Variants in KCNT1 observed in about 807,000 individuals in gnomAD.
The protein encoded by KCNT1 is potassium channel subfamily T member 1.
Under a neutral mutation model 147.8 loss-of-function variants are expected in KCNT1, and 78 were observed. The ratio of observed to expected loss-of-function variants is 0.53; its 90% CI spans 0.44 to 0.64. KCNT1 has a LOEUF of 0.64. KCNT1 is among the 30% of genes least tolerant of loss of function. The probability of loss-of-function intolerance (pLI) is 0.00; values close to 1 mark genes in which losing one functional copy is unlikely to be tolerated. For missense variants in KCNT1, 1,419 were observed against 1,750.3 expected, an observed-to-expected ratio of 0.81 and a Z score of 3.38; for synonymous variants, 867 against 748.8, an observed-to-expected ratio of 1.16 and a Z score of -2.58.
chr9:135,736,807 G>A (rs1369539324), intron 2 of KCNT1: 3 of 371,976 alleles, frequency 8.1e-6, no homozygotes, highest in Admixed American at 4.6e-5. Flanking sequence ...CGCGGGCCTG[G>A]GACCCCGCTT....
At position 135,793,518 on chromosome 9, in the gene KCNT1, C is replaced by T. The variant is rs1460162913; in HGVS notation, c.*1357C>T. Reference sequence around the variant, plus strand: ...GCCAGTGGCTGCTGGGGATCCCCTACACTGGGGGTCAGGGCTGCCCCAGGT... The same window carrying T: ...GCCAGTGGCTGCTGGGGATCCCCTATACTGGGGGTCAGGGCTGCCCCAGGT... On this transcript the variant is annotated 3_prime_UTR_variant, in exon 31 of 31. Coordinates refer to ENST00000371757, the MANE Select transcript of KCNT1 (RefSeq NM_020822.3). 4 of 152,382 alleles carry T rather than the reference C, an allele frequency of 2.6e-5. No individual in the cohort carries two copies. The allele number at this position is 152,382 out of a possible 1,614,324, so 9.4% of individuals were successfully genotyped here.
chr9:135,787,206 G>A (rs550979020), intron 29 of KCNT1, among the ~76,000 whole-genome samples: 4 of 152,358 alleles, frequency 2.6e-5, no homozygotes, highest in Admixed American at 6.5e-5. Context: ...GGAGCCCGGC[G>A]TCCGTCTTCA....
intron 2 of KCNT1, among the ~76,000 whole-genome samples, chr9:135,739,026 C>T (rs147380900): frequency 2.1e-4 from 32 of 152,222 alleles, no homozygotes; most frequent in Middle Eastern, 3.4e-3. Flanking sequence ...TGGACCTAGG[C>T]GGCCTTGCCC....
At position 135,785,297 on chromosome 9, in the gene KCNT1, G is replaced by GT; in HGVS notation, c.3157-10dup. The GT allele has an allele frequency of 6.2e-7, 1 of 1,612,868 alleles. No individual in the cohort carries two copies. The highest frequency in any genetic ancestry group is 8.5e-7 in the Non-Finnish European group (1 of 1,179,888). On this transcript the variant is annotated splice_polypyrimidine_tract_variant and intron_variant, in intron 27 of 30. Transcript: ENST00000371757. ...CGCCCACAGGTCCCAGACTGCGCCT[G>GT]TTTCCTTTGCAGCCCCACGACCTCA...
At chr9:135,723,928 C>T (rs552618070) in intron 2 of KCNT1, among the ~76,000 whole-genome samples, 60 of 152,300 alleles carry the variant, frequency 3.9e-4, no homozygotes, top group African/African-American at 1.3e-3. Context: ...GACCAGTGTC[C>T]GTTCCCCTGA....
In KCNT1 at chr9:135,702,304, G is replaced by A; in HGVS notation, c.46G>A (p.Glu16Lys). 48 of 1,610,338 alleles carry A rather than the reference G, an allele frequency of 3.0e-5. No individual in the cohort carries two copies. The highest frequency in any genetic ancestry group is 4.0e-5 in the Non-Finnish European group (47 of 1,178,666). The part of the protein sequence containing the change: ...GARTPGGVCR[E>K]ARGGGYTNRT... ...GCGGACCCCGGGGGGCGTCTGCCGG[G>A]AGGCGCGCGGCGGGGGCTACACCAA... The change falls in exon 1 of 31, where the codon GAG (glutamate) becomes AAG (lysine). Residue 16 changes from glutamate to lysine, a missense_variant. Transcript: ENST00000371757.
At chr9:135,746,746 G>A (rs1234356847) in intron 2 of KCNT1, among the ~76,000 whole-genome samples, 4 of 152,302 alleles carry the variant, frequency 2.6e-5, no homozygotes, top group African/African-American at 7.2e-5. Flanking sequence ...GATGGAGCTG[G>A]CTGGGTGTTG....
chr9:135,745,775 G>A (rs542076730), intron 2 of KCNT1, among the ~76,000 whole-genome samples: 11 of 152,354 alleles, frequency 7.2e-5, no homozygotes, highest in Admixed American at 2.0e-4. Flanking sequence ...GCAGAGGAGC[G>A]GCAGGGCCCG....
At chr9:135,779,287 G>T in intron 23 of KCNT1, 72 bp from the exon 24 acceptor site, 2 of 822,992 alleles carry the variant, frequency 2.4e-6, no homozygotes, top group Non-Finnish European at 2.0e-6. Context: ...ACAGCCACAT[G>T]ATCATGGGCC....
chr9:135,790,165 C>T (rs1834385959), intron 29 of KCNT1: 1 of 152,168 alleles, frequency 6.6e-6, no homozygotes, highest in Non-Finnish European at 1.5e-5. Flanking sequence ...TTCTCGGTGT[C>T]CCACTGGGTG....
intron 12 of KCNT1, 108 bp downstream of exon 12, chr9:135,765,303 T>G: frequency 8.9e-7 from 1 of 1,120,220 alleles, no homozygotes; most frequent in South Asian, 1.4e-5. Context: ...CAGCCTTGGT[T>G]TACCCCTTCA....
intron 29 of KCNT1, among the ~76,000 whole-genome samples, chr9:135,788,743 A>C (rs1222289678): frequency 6.6e-6 from 1 of 152,138 alleles, no homozygotes; most frequent in Non-Finnish European, 1.5e-5. Context: ...GGGCTCCACG[A>C]GGGGATTCTT....
In KCNT1 at chr9:135,702,339, CGAG is replaced by C. The variant is rs1321537618; in HGVS notation, c.82_84del (p.Glu28del). 6.2e-7 allele frequency: 1 copy of C among 1,611,616 alleles called. No homozygotes were observed. Among genetic ancestry groups the C allele is most frequent in the East Asian group, 2.2e-5 (1 of 44,790 alleles). ...GCGGGGGCTACACCAACCGGACCTT[CGAG>C]TTTGACGACGGCCAATGCGCCCCCA... is the stretch of plus-strand genomic sequence containing the variant. On this transcript the variant is annotated inframe_deletion, in exon 1 of 31. Transcript: ENST00000371757.
rs1835628312 is a variant in KCNT1 at position 135,714,372 on chromosome 9, G to A, written c.111-205G>A. 6.5e-6 allele frequency: 1 copy of A among 154,586 alleles called. No homozygotes were observed. The highest frequency in any genetic ancestry group is 2.4e-5 in the African/African-American group (1 of 41,234). 9.6% of individuals were successfully genotyped at this position (154,586 alleles called of 1,614,324 possible). ...CGCCCCCTGCCCCTGCGCAGCCCCCGCCCTAGCCCCAGCCCGGCGCAGCCG... is the reference window on the plus strand; with the variant it reads ...CGCCCCCTGCCCCTGCGCAGCCCCCACCCTAGCCCCAGCCCGGCGCAGCCG... On this transcript the variant is annotated intron_variant, in intron 1 of 30. Coordinates refer to ENST00000371757, the MANE Select transcript of KCNT1 (RefSeq NM_020822.3). This position sits in a 1 kb window ranked among gnomAD's most constrained non-coding sequence, Gnocchi z 6.2.
chr9:135,788,233 G>GT lies in KCNT1; in HGVS notation c.3502+1712_3502+1713insT. 4 of 1,290,592 alleles carry GT rather than the reference G, an allele frequency of 3.1e-6. 1 individual carries two copies. In the South Asian group the frequency reaches 4.7e-5, roughly 15 times the overall value. The allele number at this position is 1,290,592 out of a possible 1,614,324, so 79.9% of individuals were successfully genotyped here. On this transcript the variant is annotated intron_variant, in intron 29 of 30. Transcript: ENST00000371757. ...CCAACCCTTCACCGCCGGCAGCCTT[G>GT]CTGCGCCATCCCGGCCAGGCAGGTG...
At chr9:135,783,945 A>G (rs762991631) in intron 24 of KCNT1, 79 bp from the exon 25 acceptor site, 129 of 1,025,368 alleles carry the variant, frequency 1.3e-4, no homozygotes, top group Non-Finnish European at 1.8e-4. Context: ...GTGCACACAC[A>G]GTGCCCTCGA....
intron 2 of KCNT1, among the ~76,000 whole-genome samples, chr9:135,718,195 T>C (rs879433197): frequency 6.6e-6 from 1 of 152,178 alleles, no homozygotes; most frequent in Non-Finnish European, 1.5e-5. Flanking sequence ...TGCCTTCCCC[T>C]TCCTGGAGTG....
At chr9:135,787,747 T>C (rs887447778) in intron 29 of KCNT1, among the ~76,000 whole-genome samples, 12 of 152,096 alleles carry the variant, frequency 7.9e-5, no homozygotes, top group Non-Finnish European at 1.6e-4. Flanking sequence ...CTTCCCTCCA[T>C]CCCCACAGTG....
chr9:135,774,066 GTGTGTGTCCATATGTGTAATGTGTGT>G (rs1170559001), intron 19 of KCNT1, among the ~76,000 whole-genome samples: 1 of 151,794 alleles, frequency 6.6e-6, no homozygotes, highest in Non-Finnish European at 1.5e-5. Flanking sequence ...TATGTGTGTG[GTGTGTGTCCATATGTGTAATGTGTGT>G]TGTGTGTCAA....
Sources: allele counts gnomAD v4.1 joint callset (sites outside exome capture counted in the v4.1 genomes callset), GRCh38; gene constraint gnomAD v4.1.1; non-coding constraint Gnocchi (gnomAD v3.1); transcripts MANE v1.5; gene names NCBI Gene and HGNC (gene_info 2026-07-23, HGNC 2026-07-21).